The following GRIN2A variants were observed in gnomAD, a reference collection of about 807,000 sequenced individuals.
The protein encoded by GRIN2A is glutamate receptor ionotropic, NMDA 2A.
Under a neutral mutation model 113.4 loss-of-function variants are expected in GRIN2A, and 22 were observed. The observed-to-expected ratio is 0.19, with a 90% CI of 0.14 to 0.28. GRIN2A has a LOEUF of 0.28. Ranked by LOEUF, GRIN2A falls within the 10% of genes least tolerant of loss-of-function variation. The pLI is 1.00. For missense variants in GRIN2A, 1,502 were observed against 1,887.0 expected (o/e 0.80, Z 3.78); for synonymous variants, 827 against 738.4 (o/e 1.12, Z -1.94).
intron 11 of GRIN2A, among the ~76,000 whole-genome samples, chr16:9,787,525 T>C (rs552301111): frequency 6.6e-6 from 1 of 152,306 alleles, no homozygotes; most frequent in South Asian, 2.1e-4. Context: ...CCCAACCACC[T>C]TGGGCACATG....
At chr16:10,179,134 G>T (rs1262452981) in intron 2 of GRIN2A, among the ~76,000 whole-genome samples, 1 of 151,894 alleles carries the variant, frequency 6.6e-6, no homozygotes, top group East Asian at 1.9e-4. Flanking sequence ...CCAAACCAAA[G>T]CTCCCAGGCT....
intron 10 of GRIN2A, among the ~76,000 whole-genome samples, chr16:9,803,102 C>T (rs2041897037): frequency 6.6e-6 from 1 of 152,164 alleles, no homozygotes; most frequent in Non-Finnish European, 1.5e-5. Context: ...TCAGTTTTCC[C>T]TATGAAAAAT....
chr16:9,954,075 A>C (rs4782090), intron 2 of GRIN2A, among the ~76,000 whole-genome samples: 3 of 152,144 alleles, frequency 2.0e-5, no homozygotes, highest in African/African-American at 7.2e-5. Context: ...ATGTCCTCTA[A>C]GTCAATCCTT....
chr16:10,022,731 T>G (rs763062901), intron 2 of GRIN2A, among the ~76,000 whole-genome samples: 10 of 152,244 alleles, frequency 6.6e-5, no homozygotes, highest in Admixed American at 2.6e-4. Flanking sequence ...CTTGGAACTG[T>G]TTTTCCATAA....
intron 2 of GRIN2A, among the ~76,000 whole-genome samples, chr16:10,159,062 G>T (rs74006795): frequency 0.035 from 5,350 of 152,188 alleles, 243 homozygotes; most frequent in African/African-American, 0.1. Context: ...TCAGGGCCCA[G>T]CTCTGTTACC....
chr16:10,038,562 G>C (rs1019375873), intron 2 of GRIN2A, among the ~76,000 whole-genome samples: 1 of 151,834 alleles, frequency 6.6e-6, no homozygotes, highest in African/African-American at 2.4e-5. Flanking sequence ...AGATATTGCC[G>C]GCCAGGCGCG....
Position 10,179,730 on chromosome 16 carries a change from TTC to T in GRIN2A, c.414+266_414+267del. 5.9e-6 allele frequency: 3 copies of T among 509,998 alleles called. No homozygotes were observed. The South Asian group carries it at 6.2e-5, about 11-fold the overall frequency. 31.6% of individuals were successfully genotyped at this position (509,998 alleles called of 1,614,324 possible). A position where few individuals can be genotyped will look rare whatever the true frequency, so the allele number is the denominator to read the frequency against. ...CCACCACCACCACCCCACAGCCTAC[TTC>T]TCAGTTTTCTGAGCGCTTCCTGGCA... On this transcript the variant is annotated intron_variant, in intron 2 of 12. Transcript: ENST00000330684.
At chr16:9,990,490 A>G (rs1596394854) in intron 2 of GRIN2A, among the ~76,000 whole-genome samples, 1 of 151,992 alleles carries the variant, frequency 6.6e-6, no homozygotes, top group South Asian at 2.1e-4. Context: ...TCAGCATTAC[A>G]TAATATGTCT....
chr16:10,015,820 C>G lies in GRIN2A; in HGVS notation c.415-77269G>C, dbSNP rs577133361. 3.9e-5 allele frequency among the ~76,000 whole-genome samples: 6 copies of G among 152,276 alleles called. No individual in the cohort carries two copies. The South Asian group carries it at 1.2e-3, about 32-fold the overall frequency. On this transcript the variant is annotated intron_variant, in intron 2 of 12. Coordinates refer to ENST00000330684, the MANE Select transcript of GRIN2A (RefSeq NM_001134407.3). ...TCAGTGTGGGAAATGGACAGCCACA[C>G]AGAACCTCATTAAACCATGTGGTAG...
At chr16:10,173,344 G>A (rs772252867) in intron 2 of GRIN2A, among the ~76,000 whole-genome samples, 1 of 152,178 alleles carries the variant, frequency 6.6e-6, no homozygotes, top group Non-Finnish European at 1.5e-5. Context: ...CAGGTTACAA[G>A]AGCACCAACT....
intron 2 of GRIN2A, among the ~76,000 whole-genome samples, chr16:10,157,153 C>T (rs1147993): frequency 0.62 from 94,923 of 151,952 alleles, 30,077 homozygotes; most frequent in East Asian, 0.92. Context: ...GGAATCAAAG[C>T]TCAGGTGGAA....
At chr16:10,061,381 G>A (rs184820341) in intron 2 of GRIN2A, among the ~76,000 whole-genome samples, 4 of 152,208 alleles carry the variant, frequency 2.6e-5, no homozygotes, top group Admixed American at 2.6e-4. Flanking sequence ...GCATTTCCAG[G>A]CTTATTTATT....
At chr16:10,043,989 A>ATG (rs1567257787) in intron 2 of GRIN2A, among the ~76,000 whole-genome samples, 7 of 136,858 alleles carry the variant, frequency 5.1e-5, no homozygotes, top group African/African-American at 1.7e-4. Context: ...ATATACACAT[A>ATG]CGTGTGTGTG....
chr16:10,178,591 G>T (rs1465375547), intron 2 of GRIN2A, among the ~76,000 whole-genome samples: 1 of 152,172 alleles, frequency 6.6e-6, no homozygotes, highest in Non-Finnish European at 1.5e-5. Context: ...GAAGTGACTG[G>T]GAAAATGCTC....
At chr16:10,137,928 C>G (rs568147554) in intron 2 of GRIN2A, among the ~76,000 whole-genome samples, 18 of 152,274 alleles carry the variant, frequency 1.2e-4, no homozygotes, top group South Asian at 1.0e-3. Context: ...CTCTGAGGGG[C>G]CAGCTCCTTG....
intron 2 of GRIN2A, among the ~76,000 whole-genome samples, chr16:10,032,656 A>T (rs1312573661): frequency 6.6e-6 from 1 of 152,194 alleles, no homozygotes; most frequent in Non-Finnish European, 1.5e-5. Flanking sequence ...ACTTTCCAGT[A>T]GGCACACCCC....
At chr16:9,874,042 G>C (rs1159939501) in intron 4 of GRIN2A, among the ~76,000 whole-genome samples, 2 of 152,146 alleles carry the variant, frequency 1.3e-5, no homozygotes, top group Non-Finnish European at 2.9e-5. Context: ...TGATTCTCTT[G>C]TTTTTCCCCA....
Position 10,180,181 on chromosome 16 carries a change from G to A in GRIN2A, c.231C>T (p.Thr77=), listed in dbSNP as rs1483174642. The A allele has an allele frequency of 1.2e-6, 2 of 1,614,172 alleles. No homozygotes were observed. Among genetic ancestry groups the A allele is most frequent in the Non-Finnish European group, 1.7e-6 (2 of 1,180,034 alleles). Residue 77 remains threonine (T), a synonymous_variant, in exon 2 of 13, where the codon ACC becomes ACT. Coordinates refer to ENST00000330684, the MANE Select transcript of GRIN2A (RefSeq NM_001134407.3). The surrounding 1 kb of genome is among the most constrained non-coding windows in gnomAD (Gnocchi z 7.0). ...VNVVALLMNR[T]DPKSLITHVC... ...CGTGCGTGATGAGGCTCTTGGGGTC[G>A]GTGCGGTTCATCAGCAGAGCTACCA...
chr16:10,044,022 T>TATATATATATATATATATAG (rs531659457), intron 2 of GRIN2A, among the ~76,000 whole-genome samples: 16 of 107,998 alleles, frequency 1.5e-4, no homozygotes, highest in Non-Finnish European at 2.7e-4. Flanking sequence ...TATATATATA[T>TATATATATATATATATATAG]AGAGAGAGAG....
Sources: allele counts gnomAD v4.1 joint callset (sites outside exome capture counted in the v4.1 genomes callset), GRCh38; gene constraint gnomAD v4.1.1; non-coding constraint Gnocchi (gnomAD v3.1); transcripts MANE v1.5; gene names NCBI Gene and HGNC (gene_info 2026-07-23, HGNC 2026-07-21).